Variants in GOLGA8H observed in about 807,000 individuals in gnomAD.
GOLGA8H encodes golgin subfamily A member 8H.
Under a neutral mutation model 82.7 loss-of-function variants are expected in GOLGA8H, and 47 were observed. The observed-to-expected ratio is 0.57, with a 90% CI of 0.45 to 0.73. The LOEUF (loss-of-function observed/expected upper bound fraction) is 0.73, where lower values mean the gene tolerates loss of function less well. GOLGA8H is among the 30% of genes least tolerant of loss of function. The probability of loss-of-function intolerance (pLI) is 0.00; values close to 1 mark genes in which losing one functional copy is unlikely to be tolerated. For synonymous variants in GOLGA8H, 108 were observed against 241.6 expected, an observed-to-expected ratio of 0.45 and a Z score of 5.13; for missense variants, 372 against 661.0, an observed-to-expected ratio of 0.56 and a Z score of 4.79.
intron 2 of GOLGA8H, among the ~76,000 whole-genome samples, chr15:30,606,318 C>A (rs952585117): frequency 2.0e-5 from 3 of 150,948 alleles, no homozygotes; most frequent in Admixed American, 2.0e-4. Context: ...TATGCCACTG[C>A]ACTCCAGCCT....
intron 2 of GOLGA8H, among the ~76,000 whole-genome samples, chr15:30,606,510 C>A (rs983994974): frequency 6.8e-6 from 1 of 148,016 alleles, no homozygotes; most frequent in African/African-American, 2.5e-5. Context: ...GTGAAATTTT[C>A]ATGAGATTTG....
chr15:30,606,075 C>G, intron 2 of GOLGA8H, 113 bp downstream of exon 2: 19 of 1,495,870 alleles, frequency 1.3e-5, no homozygotes, highest in Middle Eastern at 2.4e-4. Flanking sequence ...CTGGCTTTAG[C>G]CGGGTGTGGT....
intron 13 of GOLGA8H, 115 bp downstream of exon 13, chr15:30,611,461 A>C: frequency 6.5e-7 from 1 of 1,536,336 alleles, no homozygotes; most frequent in East Asian, 2.4e-5. Context: ...GCTGGTGACC[A>C]CAGCACCCCG....
chr15:30,610,639 C>A, intron 11 of GOLGA8H, 127 bp from the exon 12 acceptor site: 1 of 1,399,724 alleles, frequency 7.1e-7, no homozygotes. Flanking sequence ...GACTGGCTAC[C>A]ATCTGGGTGC....
intron 2 of GOLGA8H, among the ~76,000 whole-genome samples, chr15:30,606,447 G>A (rs1007066819): frequency 6.6e-6 from 1 of 150,968 alleles, no homozygotes; most frequent in Admixed American, 6.6e-5. Flanking sequence ...GACCTCATCG[G>A]GCCTCTCTTT....
Position 30,609,175 on chromosome 15 carries a change from C to T in GOLGA8H, c.591+419C>T, listed in dbSNP as rs1298114129. On this transcript the variant is annotated intron_variant, in intron 8 of 18. Transcript: ENST00000566740. ...CTGTGATAATATACATAAAACATGTCTGCAAGGGTTCATAAAAAATTCAGG... is the reference window on the plus strand; with the variant it reads ...CTGTGATAATATACATAAAACATGTTTGCAAGGGTTCATAAAAAATTCAGG... Among the ~76,000 whole-genome samples the T allele has an allele frequency of 6.9e-5, 8 of 115,144 alleles. No individual in the cohort carries two copies. The East Asian group carries it at 1.7e-3, about 24-fold the overall frequency. The allele number at this position is 115,144 out of a possible 152,430, so 75.5% of individuals were successfully genotyped here.
At position 30,605,875 on chromosome 15, in the gene GOLGA8H, A is replaced by T; in HGVS notation, c.81A>T (p.Arg27Ser). Residue 27 changes from arginine (R) to serine (S), a missense_variant, in exon 2 of 19, where the codon AGA (arginine) becomes AGT (serine). Physicochemically the swap from Arg to Ser is moderately radical, Grantham distance 110 (BLOSUM62 -1). Coordinates refer to ENST00000566740, the MANE Select transcript of GOLGA8H (RefSeq NM_001282490.2). ...LKEYWQKNSP[R>S]VPAGANRNRK... is the part of the protein sequence containing the mutation. Reference sequence around the variant, plus strand: ...AATATTGGCAGAAAAACAGCCCTAGAGTTCCAGCAGGAGCGAACAGGAACA... The same window carrying T: ...AATATTGGCAGAAAAACAGCCCTAGTGTTCCAGCAGGAGCGAACAGGAACA... 2.5e-6 allele frequency: 4 copies of T among 1,583,748 alleles called. No homozygotes were observed.
Position 30,608,559 on chromosome 15 carries a change from T to A in GOLGA8H, c.481+8T>A. On this transcript the variant is annotated splice_region_variant and intron_variant, in intron 7 of 18. Coordinates refer to ENST00000566740, the MANE Select transcript of GOLGA8H (RefSeq NM_001282490.2). The stretch of plus-strand genomic sequence containing the variant: ...CTCTCAGATACTTTGAAGGTGGGAA[T>A]CTGGGCACCCTGTCATCCTTCAACC... 1 of 1,609,276 alleles carries A rather than the reference T, an allele frequency of 6.2e-7. No homozygotes were observed. The highest frequency in any genetic ancestry group is 1.1e-5 in the South Asian group (1 of 90,954).
rs2060104080 is a variant in GOLGA8H, at chr15:30,616,219, C to G, written c.*1658C>G. Among the ~76,000 whole-genome samples, 2 of 150,910 alleles carry G rather than the reference C, an allele frequency of 1.3e-5. No individual in the cohort carries two copies. The highest frequency in any genetic ancestry group is 3.0e-5 in the Non-Finnish European group (2 of 67,780). ...TTCAAACTTCATGAAGTTCTAATGT[C>G]TGTGTTCCAAAACACATCACATTGT... On this transcript the variant is annotated 3_prime_UTR_variant, in exon 19 of 19. Coordinates refer to ENST00000566740, the MANE Select transcript of GOLGA8H (RefSeq NM_001282490.2).
In GOLGA8H at chr15:30,611,470, C is replaced by T. The variant is rs1363175163; in HGVS notation, c.1200+124C>T. ...CTGGGGGCTGGTGACCACAGCACCC[C>T]GCAGGGCAGTCCTGTGACTGTTTCT... On this transcript the variant is annotated intron_variant, in intron 13 of 18. Transcript: ENST00000566740. 23 of 1,537,304 alleles carry T rather than the reference C, an allele frequency of 1.5e-5. 1 individual carries two copies. The highest frequency in any genetic ancestry group is 2.3e-4 in the Middle Eastern group (1 of 4,380).
Position 30,605,783 on chromosome 15 carries a change from G to C in GOLGA8H, c.49-60G>C. On this transcript the variant is annotated intron_variant, in intron 1 of 18. Coordinates refer to ENST00000566740, the MANE Select transcript of GOLGA8H (RefSeq NM_001282490.2). ...AGTGTATTTTGTAAAAACTGTAAAG[G>C]AGGATGTGGCTGCAGGGGCTGACGG... 14 of 1,583,748 alleles carry C rather than the reference G, an allele frequency of 8.8e-6. No homozygotes were observed. The South Asian group carries it at 1.2e-4, about 14-fold the overall frequency.
Position 30,612,825 on chromosome 15 carries a change from C to T in GOLGA8H, c.1276+153C>T, listed in dbSNP as rs1273372030. On this transcript the variant is annotated intron_variant, in intron 14 of 18. Transcript: ENST00000566740. ...ACTAAGTTCGGCATCAGTGTGGTGA[C>T]CTCCTGTGAGCGGGGGGTCACCAAG... 3 of 1,012,378 alleles carry T rather than the reference C, an allele frequency of 3.0e-6. 1 individual carries two copies. Among genetic ancestry groups the T allele is most frequent in the South Asian group, 2.7e-5 (2 of 73,708 alleles). The allele number at this position is 1,012,378 out of a possible 1,614,324, so 62.7% of individuals were successfully genotyped here.
chr15:30,605,916 G>C lies in GOLGA8H; in HGVS notation c.122G>C (p.Ser41Thr), dbSNP rs115201875. 4.0e-3 allele frequency: 6,422 copies of C among 1,594,494 alleles called. 380 individuals carry two copies. The African/African-American group carries it at 0.075, about 19-fold the overall frequency. Residue 41 changes from serine (S) to threonine (T), a missense_variant, in exon 2 of 19, where the codon AGT becomes ACT. Transcript: ENST00000566740. ...GANRNRKTNGSVPEKATSGGC... is the reference protein window; with the variant it reads ...GANRNRKTNGTVPEKATSGGC... The stretch of plus-strand genomic sequence containing the variant: ...AACAGGAACAGGAAAACAAATGGCA[G>C]TGTCCCTGAGAAAGCCACTTCTGGT...
chr15:30,609,839 A>C lies in GOLGA8H; in HGVS notation c.625A>C (p.Lys209Gln). Reference protein sequence around the residue: ...SSRSKARTEWKLEQSMREEAL... With the variant: ...SSRSKARTEWQLEQSMREEAL... The stretch of plus-strand genomic sequence containing the variant: ...CCGCAGCAAAGCACGTACGGAGTGG[A>C]AGTTAGAGCAGTCCATGCGGGAGGA... The change falls in exon 9 of 19, where the codon AAG becomes CAG. Residue 209 changes from lysine to glutamine, a missense_variant. Coordinates refer to ENST00000566740, the MANE Select transcript of GOLGA8H (RefSeq NM_001282490.2). The C allele has an allele frequency of 1.3e-6, 2 of 1,599,306 alleles. No homozygotes were observed. The highest frequency in any genetic ancestry group is 4.5e-4 in the Middle Eastern group (2 of 4,424).
rs766878053 is a variant in GOLGA8H at position 30,608,629 on chromosome 15, T to A, written c.482-18T>A. 1.9e-6 allele frequency: 3 copies of A among 1,601,108 alleles called. No homozygotes were observed. On this transcript the variant is annotated intron_variant, in intron 7 of 18. Transcript: ENST00000566740. ...CAGGGGGAGTCCTTTGGGCCCCATC[T>A]CAACTTTCTCATTACAGAAAAGTCC...
At chr15:30,610,627 A>G in intron 11 of GOLGA8H, 139 bp from the exon 12 acceptor site, 1 of 1,469,366 alleles carries the variant, frequency 6.8e-7, no homozygotes, top group Non-Finnish European at 9.2e-7. Flanking sequence ...TGTGCTTTGG[A>G]AGACTGGCTA....
intron 4 of GOLGA8H, chr15:30,607,737 C>G (rs1765071927): frequency 9.9e-6 from 6 of 606,154 alleles, no homozygotes; most frequent in African/African-American, 1.9e-5. Context: ...CTCTAAATCA[C>G]AAGTTGCCAG....
chr15:30,613,018 T>G (rs1595635123), intron 14 of GOLGA8H, 86 bp from the exon 15 acceptor site: 1 of 828,640 alleles, frequency 1.2e-6, no homozygotes, highest in African/African-American at 2.1e-5. Context: ...AGGCTCAGGG[T>G]TACACAGTGA....
chr15:30,612,525 T>A, intron 13 of GOLGA8H, 72 bp from the exon 14 acceptor site: 2 of 1,334,074 alleles, frequency 1.5e-6, no homozygotes, highest in Non-Finnish European at 2.1e-6. Flanking sequence ...GGGAGGGAGC[T>A]GCTGAGGATG....
Sources: allele counts gnomAD v4.1 joint callset (sites outside exome capture counted in the v4.1 genomes callset), GRCh38; gene constraint gnomAD v4.1.1; transcripts MANE v1.5; gene names NCBI Gene and HGNC (gene_info 2026-07-23, HGNC 2026-07-21).